The following LMO7 variants were observed in gnomAD, a reference collection of about 807,000 sequenced individuals.
LMO7 encodes LIM domain only protein 7.
Under a neutral mutation model 206.5 loss-of-function variants are expected in LMO7, and 120 were observed. The ratio of observed to expected loss-of-function variants is 0.58; its 90% confidence interval spans 0.50 to 0.68. The LOEUF (loss-of-function observed/expected upper bound fraction) is 0.68, where lower values mean the gene tolerates loss of function less well. Ranked by LOEUF, LMO7 falls within the 30% of genes least tolerant of loss-of-function variation. The pLI is 0.00. For synonymous variants in LMO7, 706 were observed against 681.5 expected, an observed-to-expected ratio of 1.04 and a Z score of -0.56; for missense variants, 1,959 against 1,957.9, an observed-to-expected ratio of 1.00 and a Z score of -0.01.
intron 13 of LMO7, among the ~76,000 whole-genome samples, chr13:75,820,840 A>G (rs1410198518): frequency 6.6e-6 from 1 of 152,014 alleles, no homozygotes; most frequent in African/African-American, 2.4e-5. Context: ...TAAAAATTAA[A>G]AGAAAAATTA....
chr13:75,783,608 C>T (rs1168571325), intron 4 of LMO7, among the ~76,000 whole-genome samples: 1 of 152,198 alleles, frequency 6.6e-6, no homozygotes, highest in Non-Finnish European at 1.5e-5. Flanking sequence ...CTGGCATGAG[C>T]CAACCTACCG....
At chr13:75,623,957 T>C (rs2033685975) in intron 2 of LMO7, among the ~76,000 whole-genome samples, 1 of 152,208 alleles carries the variant, frequency 6.6e-6, no homozygotes. Context: ...ATTCAACCTT[T>C]TGGAGTTACA....
intron 1 of LMO7, among the ~76,000 whole-genome samples, chr13:75,707,591 T>C (rs1037966478): frequency 3.3e-5 from 5 of 152,132 alleles, no homozygotes; most frequent in Non-Finnish European, 7.4e-5. Context: ...TAGGAGAATA[T>C]GCATATTTAA....
rs1953682646 is a variant in LMO7, at chr13:75,767,460, T to C, written c.317+6422T>C. On this transcript the variant is annotated intron_variant, in intron 4 of 30. Coordinates refer to ENST00000377534, the MANE Select transcript of LMO7 (RefSeq NM_001306080.2). ...TTATGAGAAGTCATCAATATTACTT[T>C]AAGAAATTTTACGAACAAGTTTACA... Among the ~76,000 whole-genome samples the C allele has an allele frequency of 1.3e-5, 2 of 152,074 alleles. 1 individual carries two copies. Among genetic ancestry groups the C allele is most frequent in the Admixed American group, 1.3e-4 (2 of 15,250 alleles).
At chr13:75,683,871 A>C (rs2040758235) in intron 1 of LMO7, among the ~76,000 whole-genome samples, 1 of 152,230 alleles carries the variant, frequency 6.6e-6, no homozygotes, top group South Asian at 2.1e-4. Flanking sequence ...AATTATTATC[A>C]ATAAAAAGGA....
intron 1 of LMO7, among the ~76,000 whole-genome samples, chr13:75,657,534 G>T (rs1042718037): frequency 2.6e-5 from 4 of 151,276 alleles, no homozygotes; most frequent in African/African-American, 9.7e-5. Flanking sequence ...AGAACTCTCA[G>T]ATAATATGAT....
chr13:75,809,217 C>A (rs9530469), intron 11 of LMO7, 34 bp downstream of exon 11: 1 of 1,581,610 alleles, frequency 6.3e-7, no homozygotes, highest in South Asian at 1.1e-5. Context: ...AAAATCTGTG[C>A]GTGTTGTTTG....
At chr13:75,776,160 CG>C (rs2050376934) in intron 4 of LMO7, among the ~76,000 whole-genome samples, 1 of 27,978 alleles carries the variant, frequency 3.6e-5, no homozygotes, top group Non-Finnish European at 8.1e-5. Context: ...GTATATATAT[CG>C]GATATATATA....
intron 1 of LMO7, among the ~76,000 whole-genome samples, chr13:75,643,624 A>G (rs1002587810): frequency 3.3e-5 from 5 of 152,240 alleles, no homozygotes; most frequent in Non-Finnish European, 4.4e-5. Flanking sequence ...TTAGTTTCAG[A>G]AGGTATTAAA....
chr13:75,761,332 G>A (rs1197157968), intron 4 of LMO7, among the ~76,000 whole-genome samples: 1 of 152,142 alleles, frequency 6.6e-6, no homozygotes, highest in East Asian at 1.9e-4. Context: ...GGTTGCTAAT[G>A]TTGAGGATAC....
At chr13:75,852,084 A>G (rs1028793097) in intron 27 of LMO7, among the ~76,000 whole-genome samples, 3 of 152,214 alleles carry the variant, frequency 2.0e-5, no homozygotes, top group African/African-American at 4.8e-5. Context: ...AAAAGGCTTT[A>G]TATTTGCTAT....
intron 1 of LMO7, among the ~76,000 whole-genome samples, chr13:75,676,769 C>T (rs930169123): frequency 3.3e-5 from 5 of 152,116 alleles, no homozygotes; most frequent in Non-Finnish European, 7.4e-5. Context: ...AGGATAACCC[C>T]CTCCCAACTA....
intron 3 of LMO7, among the ~76,000 whole-genome samples, chr13:75,749,201 T>TA (rs1235852666): frequency 1.3e-5 from 2 of 152,220 alleles, no homozygotes; most frequent in African/African-American, 4.8e-5. Context: ...CAGGTTGCAC[T>TA]AAAGGTGCCC....
intron 4 of LMO7, among the ~76,000 whole-genome samples, chr13:75,785,907 T>A (rs373119724): frequency 3.3e-4 from 50 of 152,342 alleles, no homozygotes; most frequent in African/African-American, 1.1e-3. Flanking sequence ...AATGTCTAGT[T>A]TAGTATTCTT....
At chr13:75,647,951 C>CTTTCTTTTTTTTTTT (rs1555286938) in intron 1 of LMO7, among the ~76,000 whole-genome samples, 3 of 91,146 alleles carry the variant, frequency 3.3e-5, no homozygotes, top group Non-Finnish European at 6.1e-5. Flanking sequence ...TCTTTTCTTT[C>CTTTCTTTTTTTTTTT]TTTTTTTTTT....
chr13:75,723,224 TA>T, intron 2 of LMO7, among the ~76,000 whole-genome samples: 1 of 152,238 alleles, frequency 6.6e-6, no homozygotes, highest in South Asian at 2.1e-4. Context: ...CATTGCTCTT[TA>T]ATTTGTGAAC....
intron 1 of LMO7, among the ~76,000 whole-genome samples, chr13:75,642,195 G>A (rs907852978): frequency 1.3e-5 from 2 of 152,240 alleles, no homozygotes; most frequent in African/African-American, 4.8e-5. Flanking sequence ...GAACTGGGAG[G>A]GTTCCAGTGC....
intron 18 of LMO7, 30 bp downstream of exon 18, chr13:75,835,369 G>A (rs2059032674): frequency 1.4e-6 from 2 of 1,443,418 alleles, no homozygotes; most frequent in African/African-American, 2.9e-5. Flanking sequence ...GGAAGTACTG[G>A]TGTGGAGTAA....
chr13:75,732,538 C>G (rs1049751092), intron 3 of LMO7, among the ~76,000 whole-genome samples: 5 of 152,092 alleles, frequency 3.3e-5, no homozygotes, highest in African/African-American at 1.2e-4. Context: ...AAATTTTTTT[C>G]AAAGTTTTCA....
Sources: allele counts gnomAD v4.1 joint callset (sites outside exome capture counted in the v4.1 genomes callset), GRCh38; gene constraint gnomAD v4.1.1; transcripts MANE v1.5; gene names NCBI Gene and HGNC (gene_info 2026-07-23, HGNC 2026-07-21).